LPP: variants seen among roughly 807,000 people sequenced by gnomAD.
LPP encodes lipoma-preferred partner.
LPP carries 38 observed loss-of-function variants against 60.4 expected under a neutral mutation model. The ratio of observed to expected loss-of-function variants is 0.63; its 90% confidence interval spans 0.49 to 0.83. LPP has a LOEUF of 0.83. Among genes scored for constraint, LPP ranks in the 40% least tolerant of loss-of-function variants. The pLI is 0.00. For synonymous variants in LPP, 328 were observed against 290.8 expected (o/e 1.13, Z -1.30); for missense variants, 902 against 783.6 (o/e 1.15, Z -1.80).
intron 4 of LPP, 51 bp from the exon 5 acceptor site, chr3:188,484,541 C>A: frequency 7.7e-7 from 1 of 1,304,768 alleles, no homozygotes; most frequent in Non-Finnish European, 1.1e-6. Flanking sequence ...ATCACGAGTA[C>A]TATAACGTTG....
At position 188,300,454 on chromosome 3, in the gene LPP, A is replaced by ATTTT. The variant is rs34492581; in HGVS notation, c.-66-41191_-66-41188dup. ...TAAAACATGGCAGGCACACTTGGCCATTTTTTTTTTTTTTTTTTTTTGGCA... is the reference window on the plus strand; with the variant it reads ...TAAAACATGGCAGGCACACTTGGCCATTTTTTTTTTTTTTTTTTTTTTTTTGGCA... On this transcript the variant is annotated intron_variant, in intron 2 of 11. Coordinates refer to ENST00000617246, the MANE Select transcript of LPP (RefSeq NM_001375462.1). Among the ~76,000 whole-genome samples, 715 of 125,142 alleles carry ATTTT rather than the reference A, an allele frequency of 5.7e-3. 5 individuals carry two copies. The highest frequency in any genetic ancestry group is 0.019 in the African/African-American group (669 of 35,026). The allele number at this position is 125,142 out of a possible 152,430, so 82.1% of individuals were successfully genotyped here.
intron 6 of LPP, among the ~76,000 whole-genome samples, chr3:188,550,276 A>C (rs1177960911): frequency 6.6e-6 from 1 of 152,184 alleles, no homozygotes; most frequent in Non-Finnish European, 1.5e-5. Context: ...CTAACAAGGC[A>C]ACACTTAATG....
chr3:188,406,211 A>C lies in LPP; in HGVS notation c.91A>C (p.Asn31His). The C allele has an allele frequency of 1.2e-6, 2 of 1,614,152 alleles. No individual in the cohort carries two copies. Among genetic ancestry groups the C allele is most frequent in the Non-Finnish European group, 1.7e-6 (2 of 1,179,998 alleles). The change falls in exon 4 of 12, where the codon AAC becomes CAC. Residue 31 changes from asparagine to histidine, a missense_variant. Asn to His is a moderately conservative substitution (Grantham distance 68). Coordinates refer to ENST00000617246, the MANE Select transcript of LPP (RefSeq NM_001375462.1). ...GATGGAGACCACCCATTCCTTTGGG[A>C]ACCCCAGCATTTCAGTGTCTACACA... ...ARMETTHSFG[N>H]PSISVSTQQP...
chr3:188,227,954 G>A (rs1223518143), intron 2 of LPP, among the ~76,000 whole-genome samples: 1 of 152,228 alleles, frequency 6.6e-6, no homozygotes, highest in East Asian at 1.9e-4. Context: ...CAGTGGAGAA[G>A]AGGTGGCCCC....
intron 4 of LPP, among the ~76,000 whole-genome samples, chr3:188,472,417 C>T (rs554692601): frequency 2.0e-5 from 3 of 152,050 alleles, no homozygotes; most frequent in African/African-American, 7.2e-5. Flanking sequence ...AAAACAACCA[C>T]CTTGAAATGA....
In LPP at chr3:188,875,044, A is replaced by C. The variant is rs1769087283; in HGVS notation, c.*565A>C. 1 of 222,164 alleles carries C rather than the reference A, an allele frequency of 4.5e-6. No individual in the cohort carries two copies. The highest frequency in any genetic ancestry group is 5.7e-5 in the Admixed American group (1 of 17,432). 13.8% of individuals were successfully genotyped at this position (222,164 alleles called of 1,614,324 possible). On this transcript the variant is annotated 3_prime_UTR_variant, in exon 12 of 12. Coordinates refer to ENST00000617246, the MANE Select transcript of LPP (RefSeq NM_001375462.1). Reference sequence around the variant, plus strand: ...TAGGCTGTAAAGAATTTAAGCTGTAAATTACATAAGTTAGAACAAGCCCAA... The same window carrying C: ...TAGGCTGTAAAGAATTTAAGCTGTACATTACATAAGTTAGAACAAGCCCAA...
At chr3:188,782,478 G>T (rs1024702495) in intron 9 of LPP, among the ~76,000 whole-genome samples, 2 of 152,162 alleles carry the variant, frequency 1.3e-5, no homozygotes, top group Non-Finnish European at 2.9e-5. Flanking sequence ...TTATCATGTT[G>T]AATTAATGGG....
rs1287677138 is a variant in LPP, at chr3:188,217,316, G to A, written c.-189-8089G>A. Among the ~76,000 whole-genome samples the A allele has an allele frequency of 1.3e-5, 2 of 152,172 alleles. No homozygotes were observed. Among genetic ancestry groups the A allele is most frequent in the Non-Finnish European group, 2.9e-5 (2 of 68,040 alleles). On this transcript the variant is annotated intron_variant, in intron 1 of 11. Transcript: ENST00000617246. The surrounding 1 kb of genome is among the most constrained non-coding windows in gnomAD (Gnocchi z 4.0). ...AAGGCTGTGAAGTGGGAAGGAGTTT[G>A]TGTTTGAGGAACAGAAGGAGACTGA...
At chr3:188,276,677 C>T (rs1739858444) in intron 2 of LPP, among the ~76,000 whole-genome samples, 1 of 23,582 alleles carries the variant, frequency 4.2e-5, no homozygotes, top group Non-Finnish European at 1.2e-4. Flanking sequence ...CTGTCTCTCT[C>T]TCTCTCTCTC....
At chr3:188,360,129 T>C (rs1231754988) in intron 3 of LPP, among the ~76,000 whole-genome samples, 1 of 152,224 alleles carries the variant, frequency 6.6e-6, no homozygotes, top group Non-Finnish European at 1.5e-5. Flanking sequence ...TTCTGTTACA[T>C]GTCTGTTACC....
At chr3:188,311,356 G>A (rs1753348513) in intron 2 of LPP, among the ~76,000 whole-genome samples, 1 of 152,048 alleles carries the variant, frequency 6.6e-6, no homozygotes, top group Non-Finnish European at 1.5e-5. Context: ...GTGTACACCT[G>A]TAGTCCTAGC....
chr3:188,639,770 C>T (rs1397645450), intron 7 of LPP, among the ~76,000 whole-genome samples: 1 of 152,152 alleles, frequency 6.6e-6, no homozygotes, highest in Non-Finnish European at 1.5e-5. Context: ...TGAAAAAATG[C>T]TCATCATTAC....
At chr3:188,538,020 T>A (rs962185776) in intron 6 of LPP, among the ~76,000 whole-genome samples, 3 of 152,006 alleles carry the variant, frequency 2.0e-5, no homozygotes, top group African/African-American at 7.2e-5. Flanking sequence ...CAAATGATGC[T>A]GGAACCACCA....
chr3:188,279,597 A>T (rs543838941), intron 2 of LPP, among the ~76,000 whole-genome samples: 4 of 152,298 alleles, frequency 2.6e-5, no homozygotes, highest in African/African-American at 7.2e-5. Flanking sequence ...TAGCGAGTGG[A>T]GCTGTTAGAG....
At chr3:188,311,799 C>T (rs1002998528) in intron 2 of LPP, among the ~76,000 whole-genome samples, 2 of 151,876 alleles carry the variant, frequency 1.3e-5, no homozygotes, top group African/African-American at 2.4e-5. Flanking sequence ...CTGCTATGCC[C>T]GGCTAATTTT....
At chr3:188,250,782 CTT>C (rs1491329731) in intron 2 of LPP, among the ~76,000 whole-genome samples, 85 of 111,110 alleles carry the variant, frequency 7.7e-4, no homozygotes, top group African/African-American at 2.4e-3. Flanking sequence ...TTCTTTCTTT[CTT>C]TCTGTCTTTC....
In LPP at chr3:188,761,692, T is replaced by G. The variant is rs531154873; in HGVS notation, c.1410+1410T>G. Among the ~76,000 whole-genome samples the G allele has an allele frequency of 3.9e-5, 6 of 152,300 alleles. No homozygotes were observed. The South Asian group carries it at 1.2e-3, about 32-fold the overall frequency. On this transcript the variant is annotated intron_variant, in intron 9 of 11. Transcript: ENST00000617246. Reference sequence around the variant, plus strand: ...TGCAGATGCTACATGGTTTTCATTTTCCTAAACATAAAGATAAACAAAGTA... The same window carrying G: ...TGCAGATGCTACATGGTTTTCATTTGCCTAAACATAAAGATAAACAAAGTA...
intron 3 of LPP, among the ~76,000 whole-genome samples, chr3:188,381,164 A>T (rs1027587101): frequency 4.7e-4 from 71 of 150,478 alleles, no homozygotes; most frequent in African/African-American, 1.7e-3. Flanking sequence ...TTAAAGACAC[A>T]TAGCTGTTAA....
chr3:188,803,038 G>A (rs930039546), intron 9 of LPP, among the ~76,000 whole-genome samples: 3 of 132,072 alleles, frequency 2.3e-5, no homozygotes, highest in African/African-American at 8.2e-5. Context: ...TACTTTTGTT[G>A]TATATGCTTT....
Sources: gnomAD v4.1 joint callset for allele counts (sites outside exome capture counted in the v4.1 genomes callset) on GRCh38, gnomAD v4.1.1 for gene constraint, Gnocchi (gnomAD v3.1) non-coding constraint, MANE v1.5 for transcripts, NCBI Gene and HGNC (gene_info 2026-07-23, HGNC 2026-07-21) for gene names.